The following RBFOX3 variants were observed in gnomAD, a reference collection of about 807,000 sequenced individuals.
RBFOX3 encodes RNA binding protein fox-1 homolog 3.
Under a neutral mutation model 48.7 loss-of-function variants are expected in RBFOX3, and 17 were observed. That is an observed-to-expected ratio of 0.35 (90% CI 0.24 to 0.52). The LOEUF (loss-of-function observed/expected upper bound fraction) is 0.52, where lower values mean the gene tolerates loss of function less well. RBFOX3 is among the 20% of genes least tolerant of loss of function. The pLI is 0.94. For missense variants in RBFOX3, 382 were observed against 497.5 expected (o/e 0.77, Z 2.21); for synonymous variants, 212 against 209.5 (o/e 1.01, Z -0.10).
chr17:79,411,752 T>G (rs1402748289), intron 2 of RBFOX3, among the ~76,000 whole-genome samples: 1 of 152,212 alleles, frequency 6.6e-6, no homozygotes, highest in Non-Finnish European at 1.5e-5. Flanking sequence ...AGAGCACCCG[T>G]GTTGGACAAG....
At chr17:79,624,813 G>A in the RBFOX3 span, among the ~76,000 whole-genome samples, 12 of 65,014 alleles carry the variant, frequency 1.8e-4, no homozygotes, top group East Asian at 5.6e-4. Flanking sequence ...AGGCACCCCC[G>A]CCCCCCACCC....
chr17:79,239,560 T>C (rs1163041772), intron 3 of RBFOX3, among the ~76,000 whole-genome samples: 1 of 152,210 alleles, frequency 6.6e-6, no homozygotes, highest in Non-Finnish European at 1.5e-5. Context: ...CACTCCACAC[T>C]GCCCACTGCC....
intron 2 of RBFOX3, among the ~76,000 whole-genome samples, chr17:79,407,173 A>T (rs1022391117): frequency 6.6e-6 from 1 of 152,280 alleles, no homozygotes; most frequent in Admixed American, 6.5e-5. Context: ...ATGCCCGGCA[A>T]TTTTTTGTAT....
chr17:79,226,837 G>A (rs1206881544), intron 4 of RBFOX3, among the ~76,000 whole-genome samples: 2 of 152,216 alleles, frequency 1.3e-5, no homozygotes, highest in Non-Finnish European at 2.9e-5. Context: ...ATGTGAGTTA[G>A]GAAAGAGGGA....
intron 4 of RBFOX3, among the ~76,000 whole-genome samples, chr17:79,207,787 C>T (rs2057720670): frequency 6.6e-6 from 1 of 152,208 alleles, no homozygotes; most frequent in African/African-American, 2.4e-5. Context: ...AGGGCACCTC[C>T]AGGCAGCGCC....
At chr17:79,143,389 G>T (rs1235214004) in intron 4 of RBFOX3, among the ~76,000 whole-genome samples, 2 of 128,528 alleles carry the variant, frequency 1.6e-5, no homozygotes, top group East Asian at 4.4e-4. Flanking sequence ...GTGGGGGGGG[G>T]TTCTATAAAT....
chr17:79,444,845 C>A (rs1399971800), intron 2 of RBFOX3, among the ~76,000 whole-genome samples: 1 of 151,856 alleles, frequency 6.6e-6, no homozygotes, highest in Non-Finnish European at 1.5e-5. Flanking sequence ...ATTATATATT[C>A]TTCCAGAATA....
intron 2 of RBFOX3, among the ~76,000 whole-genome samples, chr17:79,366,677 A>G (rs2057798704): frequency 1.3e-5 from 2 of 152,148 alleles, no homozygotes; most frequent in Admixed American, 6.5e-5. Context: ...CAACTAGAGG[A>G]GGATGAATGC....
intron 2 of RBFOX3, among the ~76,000 whole-genome samples, chr17:79,315,423 T>A (rs2077401934): frequency 6.6e-6 from 1 of 152,006 alleles, no homozygotes; most frequent in East Asian, 1.9e-4. Context: ...CACACCACCA[T>A]CTGCAGGCCG....
chr17:79,283,243 GT>G (rs1321790767), intron 3 of RBFOX3, among the ~76,000 whole-genome samples: 9 of 150,436 alleles, frequency 6.0e-5, no homozygotes, highest in Non-Finnish European at 1.0e-4. Context: ...CTGTGCTAAG[GT>G]AATATTCCTA....
At chr17:79,611,130 T>C (rs1169521846), upstream of RBFOX3, among the ~76,000 whole-genome samples, 8 of 37,816 alleles carry the variant, frequency 2.1e-4, no homozygotes, top group Non-Finnish European at 3.0e-4. Flanking sequence ...TCCGCCCTCC[T>C]TCTCTCTCTC....
intron 4 of RBFOX3, among the ~76,000 whole-genome samples, chr17:79,138,393 GCA>G (rs565106291): frequency 3.1e-4 from 47 of 151,940 alleles, no homozygotes; most frequent in Admixed American, 1.8e-3. Context: ...CATACACAGT[GCA>G]CACTCTCATA....
At chr17:79,650,952 C>T in the RBFOX3 span, among the ~76,000 whole-genome samples, 6 of 152,196 alleles carry the variant, frequency 3.9e-5, no homozygotes, top group Non-Finnish European at 7.3e-5. Context: ...CCCTCGGCCT[C>T]TCCAAGAGCC....
At chr17:79,435,111 T>C (rs1184193344) in intron 2 of RBFOX3, among the ~76,000 whole-genome samples, 1 of 152,222 alleles carries the variant, frequency 6.6e-6, no homozygotes, top group Non-Finnish European at 1.5e-5. Context: ...CCCCAATATC[T>C]GGCTCTGCTG....
chr17:79,144,560 G>A (rs931944264), intron 4 of RBFOX3, among the ~76,000 whole-genome samples: 9 of 152,204 alleles, frequency 5.9e-5, no homozygotes, highest in African/African-American at 1.9e-4. Context: ...GGAGTTGGTG[G>A]GTGGAGGGGG....
At chr17:79,652,538 A>G in the RBFOX3 span, among the ~76,000 whole-genome samples, 2 of 99,576 alleles carry the variant, frequency 2.0e-5, no homozygotes, top group Non-Finnish European at 4.3e-5. Context: ...GGGAGGGGGA[A>G]AAGAACGAGA....
chr17:79,166,336 C>T (rs1422349287), intron 4 of RBFOX3, among the ~76,000 whole-genome samples: 2 of 152,170 alleles, frequency 1.3e-5, no homozygotes, highest in Non-Finnish European at 2.9e-5. Context: ...GTGGGGAGCC[C>T]GCCAGGAGCT....
intron 2 of RBFOX3, among the ~76,000 whole-genome samples, chr17:79,372,255 T>C: frequency 6.8e-6 from 1 of 147,658 alleles, no homozygotes; most frequent in African/African-American, 2.5e-5. Flanking sequence ...CCCCATACTA[T>C]CCCCGGCAAT....
the RBFOX3 span, among the ~76,000 whole-genome samples, chr17:79,618,779 G>C: frequency 3.9e-4 from 60 of 152,294 alleles, no homozygotes; most frequent in African/African-American, 1.4e-3. Flanking sequence ...TAGGCAAAGC[G>C]TCTGAATGTT....
Sources: gnomAD v4.1 joint callset for allele counts (sites outside exome capture counted in the v4.1 genomes callset) on GRCh38, gnomAD v4.1.1 for gene constraint, MANE v1.5 for transcripts, NCBI Gene and HGNC (gene_info 2026-07-23, HGNC 2026-07-21) for gene names.